Variants in SLIT3 observed in about 807,000 individuals in gnomAD.
SLIT3 encodes the protein slit guidance ligand 3, also known as slit homolog 3 protein.
Under a neutral mutation model 184.0 loss-of-function variants are expected in SLIT3, and 68 were observed. The ratio of observed to expected loss-of-function variants is 0.37; its 90% CI spans 0.30 to 0.45. SLIT3 has a LOEUF of 0.45. Among genes scored for constraint, SLIT3 ranks in the 20% least tolerant of loss-of-function variants. The pLI is 1.00. For synonymous variants in SLIT3, 831 were observed against 828.6 expected (o/e 1.00, Z -0.05); for missense variants, 1,707 against 2,026.0 (o/e 0.84, Z 3.02).
chr5:169,089,763 T>TCA (rs1759498519), intron 4 of SLIT3, among the ~76,000 whole-genome samples: 1 of 152,198 alleles, frequency 6.6e-6, no homozygotes, highest in African/African-American at 2.4e-5. Flanking sequence ...CATTTCCCCT[T>TCA]CACACACTTG....
At chr5:169,047,858 C>T (rs919773366) in intron 4 of SLIT3, among the ~76,000 whole-genome samples, 2 of 152,004 alleles carry the variant, frequency 1.3e-5, no homozygotes, top group South Asian at 2.1e-4. Context: ...AAAGATGCAT[C>T]GTCATATCCT....
chr5:168,868,041 A>G (rs1194232181), intron 5 of SLIT3, among the ~76,000 whole-genome samples: 2 of 152,208 alleles, frequency 1.3e-5, no homozygotes, highest in East Asian at 3.8e-4. Flanking sequence ...AAAATCAAGT[A>G]ATTTCAAATA....
At chr5:169,260,924 A>G (rs1378205038) in intron 1 of SLIT3, among the ~76,000 whole-genome samples, 1 of 152,226 alleles carries the variant, frequency 6.6e-6, no homozygotes, top group Non-Finnish European at 1.5e-5. Flanking sequence ...CTTTTTCTTT[A>G]AAGGCCAGAT....
intron 6 of SLIT3, among the ~76,000 whole-genome samples, chr5:168,841,737 T>C (rs1342212735): frequency 1.3e-5 from 2 of 152,222 alleles, no homozygotes; most frequent in Admixed American, 6.5e-5. Context: ...AACAGGGTTA[T>C]TGCATGCGAA....
intron 4 of SLIT3, among the ~76,000 whole-genome samples, chr5:168,970,741 A>G (rs1277867970): frequency 6.6e-6 from 1 of 152,104 alleles, no homozygotes; most frequent in Admixed American, 6.5e-5. Flanking sequence ...AACCAGAAAG[A>G]TCCTCTTTTT....
intron 4 of SLIT3, among the ~76,000 whole-genome samples, chr5:169,072,011 C>T (rs1010114183): frequency 1.5e-4 from 23 of 152,122 alleles, no homozygotes; most frequent in African/African-American, 5.6e-4. Flanking sequence ...AGAACAATAG[C>T]TCAGCTTTGA....
intron 16 of SLIT3, among the ~76,000 whole-genome samples, chr5:168,760,604 G>A (rs982727676): frequency 6.6e-6 from 1 of 152,092 alleles, no homozygotes; most frequent in African/African-American, 2.4e-5. Context: ...GGTGGGGTGA[G>A]CAGAGGGTCC....
chr5:168,902,315 C>T (rs192249235), intron 4 of SLIT3, among the ~76,000 whole-genome samples: 280 of 152,310 alleles, frequency 1.8e-3, no homozygotes, highest in Non-Finnish European at 2.8e-3. Context: ...CATTATAGAT[C>T]TTTGTTTATA....
At chr5:168,774,106 G>A (rs1755656472) in intron 13 of SLIT3, 129 bp downstream of exon 13, 1 of 872,752 alleles carries the variant, frequency 1.1e-6, no homozygotes, top group East Asian at 2.5e-5. Context: ...TATTATTCTA[G>A]CTTCCCTGCA....
intron 4 of SLIT3, among the ~76,000 whole-genome samples, chr5:168,994,934 G>A (rs551182776): frequency 6.6e-6 from 1 of 151,952 alleles, no homozygotes; most frequent in Admixed American, 6.6e-5. Context: ...GAGCCACTGC[G>A]CCCAGCCCTG....
intron 5 of SLIT3, among the ~76,000 whole-genome samples, chr5:168,852,274 C>T (rs1408496193): frequency 6.6e-6 from 1 of 152,188 alleles, no homozygotes; most frequent in African/African-American, 2.4e-5. Flanking sequence ...TCTCCCACAT[C>T]TCTGTTTTTT....
rs562741753 is a variant in SLIT3, at chr5:168,903,646, A to G, written c.414-20310T>C. On this transcript the variant is annotated intron_variant, in intron 4 of 35. Transcript: ENST00000519560. ...GGAATGGTCCTTCTGCTGTGCATGC[A>G]TGGCTGGAACACAAAGGCCTGTCTC... Among the ~76,000 whole-genome samples the G allele has an allele frequency of 2.0e-3, 297 of 152,180 alleles. 2 individuals are homozygous for G. Among genetic ancestry groups the G allele is most frequent in the Non-Finnish European group, 3.3e-3 (224 of 68,000 alleles).
At chr5:169,074,429 T>C (rs115532004) in intron 4 of SLIT3, among the ~76,000 whole-genome samples, 2,152 of 152,250 alleles carry the variant, frequency 0.014, 46 homozygotes, top group African/African-American at 0.049. Context: ...GTAGTAATAA[T>C]AATGATGATG....
At chr5:169,276,396 G>C (rs1766808171) in intron 1 of SLIT3, among the ~76,000 whole-genome samples, 1 of 152,164 alleles carries the variant, frequency 6.6e-6, no homozygotes, top group Admixed American at 6.5e-5. Flanking sequence ...TCCAAGAGCT[G>C]CTAACAAAGA....
intron 4 of SLIT3, among the ~76,000 whole-genome samples, chr5:168,947,090 T>C (rs761961906): frequency 6.6e-5 from 10 of 152,196 alleles, no homozygotes; most frequent in African/African-American, 9.7e-5. Context: ...AAAGTCAGTA[T>C]TGTCTATGGA....
In SLIT3 at chr5:169,149,340, C is replaced by CTT. The variant is rs3038064; in HGVS notation, c.413+44137_413+44138dup. 2.9e-3 allele frequency among the ~76,000 whole-genome samples: 398 copies of CTT among 137,908 alleles called. 7 individuals are homozygous for CTT. Among genetic ancestry groups the CTT allele is most frequent in the African/African-American group, 9.4e-3 (358 of 38,010 alleles). 90.5% of individuals were successfully genotyped at this position (137,908 alleles called of 152,430 possible). A position where few individuals can be genotyped will look rare whatever the true frequency, so the allele number is the denominator to read the frequency against. The stretch of plus-strand genomic sequence containing the variant: ...AACTTATGAGAGAATACAACATGGG[C>CTT]TTTTTTTTTTTTTTCAACTTGTGGT... On this transcript the variant is annotated intron_variant, in intron 4 of 35. Transcript: ENST00000519560.
intron 25 of SLIT3, among the ~76,000 whole-genome samples, chr5:168,708,920 C>G (rs1762458270): frequency 6.6e-6 from 1 of 152,136 alleles, no homozygotes; most frequent in African/African-American, 2.4e-5. Flanking sequence ...TGATTGAGAG[C>G]TGGTACCAGG....
At chr5:168,841,412 G>T (rs1305944281) in intron 6 of SLIT3, among the ~76,000 whole-genome samples, 1 of 152,124 alleles carries the variant, frequency 6.6e-6, no homozygotes, top group Non-Finnish European at 1.5e-5. Flanking sequence ...GTAGTGGCAT[G>T]GAAGGAATGA....
intron 9 of SLIT3, 140 bp downstream of exon 9, chr5:168,806,306 G>A (rs1756954509): frequency 1.1e-6 from 1 of 891,468 alleles, no homozygotes; most frequent in Non-Finnish European, 1.8e-6. Flanking sequence ...AGTGTGGAAG[G>A]ACAGCAAAGA....
Sources: allele counts gnomAD v4.1 joint callset (sites outside exome capture counted in the v4.1 genomes callset), GRCh38; gene constraint gnomAD v4.1.1; transcripts MANE v1.5; gene names NCBI Gene and HGNC (gene_info 2026-07-23, HGNC 2026-07-21).